RPAP1: variants seen among roughly 807,000 people sequenced by gnomAD.
RPAP1 encodes the protein RNA polymerase II-associated protein 1.
In RPAP1, 109 loss-of-function variants were observed where a neutral mutation model predicts 142.4. The observed-to-expected ratio is 0.77, with a 90% CI of 0.66 to 0.90. RPAP1 has a LOEUF of 0.90. Among genes scored for constraint, RPAP1 ranks in the 40% least tolerant of loss-of-function variants. The pLI is 0.00. For missense variants in RPAP1, 1,546 were observed against 1,751.7 expected (o/e 0.88, Z 2.10); for synonymous variants, 704 against 738.9 (o/e 0.95, Z 0.77).
chr15:41,517,901 T>A, intron 23 of RPAP1, 44 bp from the exon 24 acceptor site: 1 of 1,613,660 alleles, frequency 6.2e-7, no homozygotes, highest in Non-Finnish European at 8.5e-7. Context: ...CGAGGGCTGG[T>A]ACCCACCACT....
chr15:41,517,758 A>ATCCTCTAATATCCCACCC (rs1566881328), intron 24 of RPAP1, 40 bp downstream of exon 24: 4 of 1,613,842 alleles, frequency 2.5e-6, no homozygotes, highest in Non-Finnish European at 8.5e-7. Context: ...GTCCCCCAAG[A>ATCCTCTAATATCCCACCC]TCCTCTAATA....
chr15:41,538,013 G>A (rs1047776873), intron 1 of RPAP1, among the ~76,000 whole-genome samples: 8 of 152,218 alleles, frequency 5.3e-5, no homozygotes, highest in Admixed American at 3.3e-4. Flanking sequence ...GGAGGCCAAG[G>A]CGTGTGGATT....
chr15:41,525,795 C>T (rs1309895254), intron 14 of RPAP1, among the ~76,000 whole-genome samples: 1 of 152,042 alleles, frequency 6.6e-6, no homozygotes. Flanking sequence ...GCCGGGATTA[C>T]AGGCGCATGC....
In RPAP1 at chr15:41,525,149, C is replaced by A. The variant is rs1382717495; in HGVS notation, c.1918-1G>T. 2 of 1,605,712 alleles carry A rather than the reference C, an allele frequency of 1.2e-6. No homozygotes were observed. Among genetic ancestry groups the A allele is most frequent in the East Asian group, 4.5e-5 (2 of 44,796 alleles). On this transcript the variant is annotated splice_acceptor_variant, in intron 14 of 24. Coordinates refer to ENST00000304330, the MANE Select transcript of RPAP1 (RefSeq NM_015540.4). LOFTEE classifies it high-confidence loss of function. ...GGCTCCGGAGATCAAAGCTGCTCAA[C>A]TGGAAATGGGCACAGTCTGAGGATC...
At chr15:41,525,945 C>T (rs944076561) in intron 14 of RPAP1, among the ~76,000 whole-genome samples, 3 of 151,340 alleles carry the variant, frequency 2.0e-5, no homozygotes, top group Non-Finnish European at 2.9e-5. Flanking sequence ...TGAGCCACCG[C>T]GCCCGGCCCT....
chr15:41,531,628 T>TA (rs1221224553), intron 6 of RPAP1, among the ~76,000 whole-genome samples: 2,437 of 19,362 alleles, frequency 0.13, 94 homozygotes, highest in Middle Eastern at 0.28. Context: ...TATATATATA[T>TA]TTTTTTTTTT....
Position 41,522,891 on chromosome 15 carries a change from T to A in RPAP1, c.2616A>T (p.Ser872=). ...PALEAPPSLV[S]LGCSGGCPRL... ...GGGGGCAGCCTCCCGAGCAGCCCAG[T>A]GACACGAGGCTGGGGGGAGCTTCAA... The change falls in exon 19 of 25, where the codon TCA becomes TCT. Residue 872 remains serine (S), a synonymous_variant. Transcript: ENST00000304330. 1 of 1,575,588 alleles carries A rather than the reference T, an allele frequency of 6.3e-7. No individual in the cohort carries two copies. Among genetic ancestry groups the A allele is most frequent in the Non-Finnish European group, 8.6e-7 (1 of 1,168,452 alleles).
intron 12 of RPAP1, 61 bp from the exon 13 acceptor site, chr15:41,527,362 C>T (rs1262647510): frequency 6.2e-7 from 1 of 1,612,774 alleles, no homozygotes; most frequent in East Asian, 2.2e-5. Flanking sequence ...ATTGATGGCC[C>T]CTCTTTCCAG....
intron 21 of RPAP1, 23 bp from the exon 22 acceptor site, chr15:41,521,170 A>C: frequency 6.6e-7 from 1 of 1,509,518 alleles, no homozygotes; most frequent in Non-Finnish European, 8.8e-7. Flanking sequence ...CCAAAAGCCA[A>C]AAATGAGGGC....
chr15:41,522,212 G>C lies in RPAP1; in HGVS notation c.2781C>G (p.Tyr927Ter). Residue 927 changes from tyrosine to a stop codon, truncating the protein, a stop_gained, in exon 20 of 25, where the codon TAC becomes TAG. Coordinates refer to ENST00000304330, the MANE Select transcript of RPAP1 (RefSeq NM_015540.4). LOFTEE classifies it high-confidence loss of function. ...AILAAPGLQN[Y>*]FLQCVAPGAA... ...CCCCAGGAGCCACACACTGGAGGAA[G>C]TAATTCTGGAGTCCCGGGGCAGCCA... The C allele has an allele frequency of 6.2e-7, 1 of 1,614,058 alleles. No homozygotes were observed.
chr15:41,525,129 C>T lies in RPAP1; in HGVS notation c.1937G>A (p.Arg646Gln), dbSNP rs373860120. The T allele has an allele frequency of 3.7e-5, 59 of 1,611,506 alleles. No homozygotes were observed. The highest frequency in any genetic ancestry group is 4.4e-5 in the South Asian group (4 of 90,808). ...AARLLSSFDL[R>Q]SRLCRIIAEA... ...AGCTATGATGCGGCACAGGCGGCTCCGGAGATCAAAGCTGCTCAACTGGAA... is the reference window on the plus strand; with the variant it reads ...AGCTATGATGCGGCACAGGCGGCTCTGGAGATCAAAGCTGCTCAACTGGAA... The change falls in exon 15 of 25, where the codon CGG (arginine) becomes CAG (glutamine). Residue 646 changes from arginine to glutamine, a missense_variant. Physicochemically the swap from Arg to Gln is conservative, Grantham distance 43 (BLOSUM62 1). Around this residue, in one of 3 missense-constraint regions of RPAP1, gnomAD observed 1,333 missense variants for 1,486.6 expected, o/e 0.90. Transcript: ENST00000304330.
At chr15:41,523,486 C>T in intron 17 of RPAP1, 132 bp from the exon 18 acceptor site, 2 of 679,860 alleles carry the variant, frequency 2.9e-6, no homozygotes, top group Non-Finnish European at 5.1e-6. Flanking sequence ...GCTGAGCCTT[C>T]TGAAGGGAGA....
At chr15:41,536,041 C>G in intron 4 of RPAP1, 88 bp downstream of exon 4, 1 of 932,630 alleles carries the variant, frequency 1.1e-6, no homozygotes, top group South Asian at 1.5e-5. Flanking sequence ...AATTGCTTAT[C>G]ATCATTAAAA....
chr15:41,535,556 C>G lies in RPAP1; in HGVS notation c.497G>C (p.Gly166Ala). ...IAARRIAEAK[G>A]PSVGEVVPNV... The stretch of plus-strand genomic sequence containing the variant: ...GGGCACAACTTCCCCAACTGATGGG[C>G]CCTTGGCTTCAGCTATCCTCCTTGC... The change falls in exon 5 of 25, where the codon GGC (glycine) becomes GCC (alanine). Residue 166 changes from glycine to alanine, a missense_variant. By Grantham distance (60) the Gly-to-Ala change is moderately conservative. Transcript: ENST00000304330. 6.2e-7 allele frequency: 1 copy of G among 1,613,894 alleles called. No homozygotes were observed. The highest frequency in any genetic ancestry group is 8.5e-7 in the Non-Finnish European group (1 of 1,179,950).
At position 41,527,436 on chromosome 15, in the gene RPAP1, T is replaced by C. The variant is rs2051804373; in HGVS notation, c.1598A>G (p.His533Arg). The change falls in exon 12 of 25, where the codon CAT becomes CGT. Residue 533 changes from histidine to arginine, a missense_variant. Around this residue, in one of 3 missense-constraint regions of RPAP1, gnomAD observed 1,333 missense variants for 1,486.6 expected, o/e 0.90. Transcript: ENST00000304330. Reference protein sequence around the residue: ...ESRPPPDLARHDVIKGLLATS... With the variant: ...ESRPPPDLARRDVIKGLLATS... ...CTGTCCCTTTACCTTGATGACATCA[T>C]GTCGGGCCAGGTCAGGTGGAGGCCG... 1 of 1,614,152 alleles carries C rather than the reference T, an allele frequency of 6.2e-7. No homozygotes were observed. The highest frequency in any genetic ancestry group is 8.5e-7 in the Non-Finnish European group (1 of 1,180,002).
chr15:41,534,140 G>A (rs916443288), intron 6 of RPAP1, among the ~76,000 whole-genome samples: 4 of 147,358 alleles, frequency 2.7e-5, no homozygotes, highest in Non-Finnish European at 6.0e-5. Context: ...AAAAAAGGCC[G>A]GGCATGGTGG....
chr15:41,537,498 G>A (rs1035085778), intron 1 of RPAP1, among the ~76,000 whole-genome samples: 1 of 152,134 alleles, frequency 6.6e-6, no homozygotes, highest in Admixed American at 6.5e-5. Flanking sequence ...ATAATGGGGG[G>A]GTGATGATTC....
intron 22 of RPAP1, chr15:41,518,466 G>A (rs565520113): frequency 1.5e-5 from 4 of 262,860 alleles, no homozygotes; most frequent in South Asian, 1.3e-4. Context: ...CGGATCACAC[G>A]AAATTAGGAA....
chr15:41,518,851 CAA>C (rs941118180), intron 22 of RPAP1, among the ~76,000 whole-genome samples: 52 of 152,114 alleles, frequency 3.4e-4, no homozygotes, highest in Admixed American at 6.6e-4. Context: ...GTCTCAAAAA[CAA>C]AAACAAAAAC....
Sources: gnomAD v4.1 joint callset for allele counts (sites outside exome capture counted in the v4.1 genomes callset) on GRCh38, gnomAD v4.1.1 for gene constraint, gnomAD v4.1.1 regional missense constraint, MANE v1.5 for transcripts, NCBI Gene and HGNC (gene_info 2026-07-23, HGNC 2026-07-21) for gene names.